The following ZCCHC7 variants were observed in gnomAD, a reference collection of about 807,000 sequenced individuals.
ZCCHC7 encodes zinc finger CCHC domain-containing protein 7.
ZCCHC7 carries 35 observed loss-of-function variants against 52.0 expected under a neutral mutation model. That is an observed-to-expected ratio of 0.67 (90% CI 0.51 to 0.89). The LOEUF (loss-of-function observed/expected upper bound fraction) is 0.89. Ranked by LOEUF, ZCCHC7 falls within the 40% of genes least tolerant of loss-of-function variation. ZCCHC7 has a pLI of 0.00. For missense variants in ZCCHC7, 574 were observed against 649.1 expected, an observed-to-expected ratio of 0.88 and a Z score of 1.26; for synonymous variants, 217 against 221.5, an observed-to-expected ratio of 0.98 and a Z score of 0.18.
At chr9:37,352,516 T>TTTTTTTTTG (rs1821443111) in intron 7 of ZCCHC7, among the ~76,000 whole-genome samples, 1 of 137,864 alleles carries the variant, frequency 7.3e-6, no homozygotes, top group African/African-American at 2.9e-5. Flanking sequence ...TTGCTCTTTT[T>TTTTTTTTTG]TTTTTTTTTT....
chr9:37,199,294 T>C (rs1823461063), intron 2 of ZCCHC7, among the ~76,000 whole-genome samples: 1 of 151,860 alleles, frequency 6.6e-6, no homozygotes, highest in African/African-American at 2.4e-5. Context: ...TCTTGGTTTC[T>C]ACTGTTTCTT....
At chr9:37,270,924 T>C (rs981054178) in intron 2 of ZCCHC7, among the ~76,000 whole-genome samples, 5 of 152,114 alleles carry the variant, frequency 3.3e-5, no homozygotes, top group Non-Finnish European at 5.9e-5. Context: ...ACCCTTGATA[T>C]ATAGTGTCAA....
At chr9:37,217,956 T>C (rs973109278) in intron 2 of ZCCHC7, among the ~76,000 whole-genome samples, 8 of 152,214 alleles carry the variant, frequency 5.3e-5, no homozygotes, top group Admixed American at 1.3e-4. Context: ...TTCCTCTGGA[T>C]ATATACTTTG....
chr9:37,319,897 T>C (rs1829983533), intron 5 of ZCCHC7, among the ~76,000 whole-genome samples: 1 of 152,214 alleles, frequency 6.6e-6, no homozygotes, highest in Admixed American at 6.5e-5. Context: ...CTTTCCATTC[T>C]CAACTGAATT....
chr9:37,193,764 T>A (rs1035147518), intron 2 of ZCCHC7, among the ~76,000 whole-genome samples: 14 of 152,224 alleles, frequency 9.2e-5, no homozygotes, highest in African/African-American at 2.9e-4. Context: ...AATCCTGCCC[T>A]GCTCTTACTA....
In ZCCHC7 at chr9:37,354,426, A is replaced by C. The variant is rs1478161545; in HGVS notation, c.1084-284A>C. Among the ~76,000 whole-genome samples the C allele has an allele frequency of 2.0e-5, 3 of 152,222 alleles. No homozygotes were observed. The highest frequency in any genetic ancestry group is 4.4e-5 in the Non-Finnish European group (3 of 68,048). On this transcript the variant is annotated intron_variant, in intron 7 of 8. Transcript: ENST00000336755. The surrounding 1 kb of genome is among the most constrained non-coding windows in gnomAD (Gnocchi z 4.0). ...AACAGAGCGGCAAGGCTGCTACCTC[A>C]GACTGTGAAAGGAGTTAGGCAGAAA... is the stretch of plus-strand genomic sequence containing the variant.
chr9:37,172,065 T>A (rs1008873680), intron 2 of ZCCHC7, among the ~76,000 whole-genome samples: 2 of 152,192 alleles, frequency 1.3e-5, no homozygotes, highest in Non-Finnish European at 2.9e-5. Flanking sequence ...GGGACCTGTG[T>A]CTCTTAAAGT....
In ZCCHC7 at chr9:37,261,215, CTTCT is replaced by C. The variant is rs536836130; in HGVS notation, c.611-40970_611-40967del. 1.0e-3 allele frequency among the ~76,000 whole-genome samples: 159 copies of C among 152,132 alleles called. 1 individual carries two copies. The highest frequency in any genetic ancestry group is 9.2e-3 in the Admixed American group (141 of 15,286). On this transcript the variant is annotated intron_variant, in intron 2 of 8. Coordinates refer to ENST00000336755, the MANE Select transcript of ZCCHC7 (RefSeq NM_032226.3). Reference sequence around the variant, plus strand: ...TCATAGCCTCATTTGTCATTTTTTTCTTCTTTAAGACGTCAACAGATTTTTTTTA... The same window carrying C: ...TCATAGCCTCATTTGTCATTTTTTTCTTAAGACGTCAACAGATTTTTTTTA...
At chr9:37,187,717 A>G (rs1822740749) in intron 2 of ZCCHC7, among the ~76,000 whole-genome samples, 1 of 152,220 alleles carries the variant, frequency 6.6e-6, no homozygotes, top group Non-Finnish European at 1.5e-5. Context: ...CCCTTCATTA[A>G]AAGATGCAAA....
intron 2 of ZCCHC7, among the ~76,000 whole-genome samples, chr9:37,172,495 A>G (rs960914741): frequency 6.6e-6 from 1 of 152,238 alleles, no homozygotes; most frequent in African/African-American, 2.4e-5. Context: ...TTCATAGATA[A>G]GTTATTTTTA....
chr9:37,270,651 C>A (rs1381299082), intron 2 of ZCCHC7, among the ~76,000 whole-genome samples: 3 of 149,188 alleles, frequency 2.0e-5, no homozygotes, highest in Non-Finnish European at 4.4e-5. Flanking sequence ...CACTGCACTC[C>A]AGCCTGGGCA....
intron 2 of ZCCHC7, among the ~76,000 whole-genome samples, chr9:37,237,256 G>A (rs1378099787): frequency 6.6e-6 from 1 of 152,196 alleles, no homozygotes; most frequent in Non-Finnish European, 1.5e-5. Flanking sequence ...GAACAAGACT[G>A]TACTTTTGGT....
intron 2 of ZCCHC7, among the ~76,000 whole-genome samples, chr9:37,221,960 CAAAA>C (rs1051132735): frequency 6.7e-6 from 1 of 149,462 alleles, no homozygotes; most frequent in African/African-American, 2.5e-5. Flanking sequence ...TTTTCAATAG[CAAAA>C]AAAACAGAAC....
At chr9:37,171,280 G>A (rs925087520) in intron 2 of ZCCHC7, among the ~76,000 whole-genome samples, 1 of 152,166 alleles carries the variant, frequency 6.6e-6, no homozygotes, top group African/African-American at 2.4e-5. Flanking sequence ...GTGTAGTGGA[G>A]AGAACCAAGG....
At chr9:37,338,335 G>A (rs910155298) in intron 6 of ZCCHC7, among the ~76,000 whole-genome samples, 1 of 152,224 alleles carries the variant, frequency 6.6e-6, no homozygotes, top group Middle Eastern at 3.4e-3. Flanking sequence ...ACTATTGGAA[G>A]TTATACCAAT....
intron 2 of ZCCHC7, among the ~76,000 whole-genome samples, chr9:37,143,835 TTTTTTGA>T (rs1296532548): frequency 1.3e-5 from 2 of 151,868 alleles, no homozygotes; most frequent in African/African-American, 4.8e-5. Flanking sequence ...AGTGAAGTAA[TTTTTTGA>T]TTATGATATT....
chr9:37,270,793 G>T (rs1827369827), intron 2 of ZCCHC7, among the ~76,000 whole-genome samples: 1 of 104,030 alleles, frequency 9.6e-6, no homozygotes. Flanking sequence ...ATTGAAAGTA[G>T]TTTCCAGCAA....
At chr9:37,228,835 C>CT (rs573237575) in intron 2 of ZCCHC7, among the ~76,000 whole-genome samples, 4,917 of 130,470 alleles carry the variant, frequency 0.038, 183 homozygotes, top group East Asian at 0.079. Context: ...AAAGAGGGAA[C>CT]TTTTTTTTTT....
At chr9:37,308,401 G>C (rs1248395042) in intron 5 of ZCCHC7, among the ~76,000 whole-genome samples, 2 of 151,798 alleles carry the variant, frequency 1.3e-5, no homozygotes, top group African/African-American at 2.4e-5. Context: ...TTATTTGCCT[G>C]TGATAAAGAA....
Sources: gnomAD v4.1 joint callset for allele counts (sites outside exome capture counted in the v4.1 genomes callset) on GRCh38, gnomAD v4.1.1 for gene constraint, Gnocchi (gnomAD v3.1) non-coding constraint, MANE v1.5 for transcripts, NCBI Gene and HGNC (gene_info 2026-07-23, HGNC 2026-07-21) for gene names.